The following FOXP2 variants were observed in gnomAD, a reference collection of about 807,000 sequenced individuals.
FOXP2 encodes the protein forkhead box protein P2.
Under a neutral mutation model 115.8 loss-of-function variants are expected in FOXP2, and 12 were observed. The observed-to-expected ratio is 0.10, with a 90% CI of 0.07 to 0.17. The LOEUF is 0.17. FOXP2 is among the 10% of genes least tolerant of loss of function. The pLI, the probability that FOXP2 is intolerant of heterozygous loss-of-function variation, is 1.00. For synonymous variants in FOXP2, 328 were observed against 297.7 expected (o/e 1.10, Z -1.05); for missense variants, 629 against 843.5 (o/e 0.75, Z 3.15).
chr7:114,329,553 T>A (rs780802669), intron 2 of FOXP2, among the ~76,000 whole-genome samples: 6 of 151,398 alleles, frequency 4.0e-5, no homozygotes, highest in Admixed American at 6.6e-5. Flanking sequence ...AAGGAAATTG[T>A]GTTATCTGAA....
intron 3 of FOXP2, among the ~76,000 whole-genome samples, chr7:114,557,078 A>T (rs1049800846): frequency 7.9e-5 from 12 of 152,220 alleles, no homozygotes; most frequent in African/African-American, 2.9e-4. Flanking sequence ...AGCAAGAAAG[A>T]CTTTTGCTTG....
At chr7:114,318,988 T>A (rs1003417299) in intron 2 of FOXP2, among the ~76,000 whole-genome samples, 7 of 152,128 alleles carry the variant, frequency 4.6e-5, no homozygotes, top group Non-Finnish European at 7.3e-5. Flanking sequence ...TAGAATAAAA[T>A]AGTAATTTTG....
intron 2 of FOXP2, among the ~76,000 whole-genome samples, chr7:114,502,844 G>A (rs1043974885): frequency 2.0e-5 from 3 of 152,108 alleles, no homozygotes; most frequent in Admixed American, 6.6e-5. Flanking sequence ...TCATCAGAAG[G>A]GGAAGTTTAC....
chr7:114,276,042 T>A (rs751805311), intron 1 of FOXP2, among the ~76,000 whole-genome samples: 35 of 152,190 alleles, frequency 2.3e-4, no homozygotes, highest in Non-Finnish European at 4.3e-4. Flanking sequence ...TTCCTTCAGA[T>A]CAATTAGTTT....
At chr7:114,558,132 C>A (rs952601704) in intron 3 of FOXP2, among the ~76,000 whole-genome samples, 1 of 152,030 alleles carries the variant, frequency 6.6e-6, no homozygotes, top group Non-Finnish European at 1.5e-5. Context: ...CTAGAGATTA[C>A]TAGTGTATTT....
chr7:114,498,831 G>T, intron 2 of FOXP2: 1 of 717,556 alleles, frequency 1.4e-6, no homozygotes, highest in Non-Finnish European at 2.6e-6. Flanking sequence ...ATGTTGGGTG[G>T]TTGGCTTTGT....
At position 114,457,741 on chromosome 7, in the gene FOXP2, A is replaced by G. The variant is rs1795375031; in HGVS notation, c.168+31062A>G. Among the ~76,000 whole-genome samples the G allele has an allele frequency of 2.0e-5, 3 of 152,126 alleles. No homozygotes were observed. In the South Asian group the frequency reaches 6.2e-4, roughly 32 times the overall value. ...GTGAAACCCCGTCTCTACTAAAAATACAAAAAACTAGCCAGGCGTGGTGGC... is the reference window on the plus strand; with the variant it reads ...GTGAAACCCCGTCTCTACTAAAAATGCAAAAAACTAGCCAGGCGTGGTGGC... On this transcript the variant is annotated intron_variant, in intron 2 of 16. Coordinates refer to ENST00000350908, the MANE Select transcript of FOXP2 (RefSeq NM_014491.4).
chr7:114,640,701 C>A (rs551674690), intron 6 of FOXP2, among the ~76,000 whole-genome samples: 3 of 152,134 alleles, frequency 2.0e-5, no homozygotes, highest in East Asian at 3.9e-4. Context: ...ACATCTCTTA[C>A]ATCACTATAG....
intron 2 of FOXP2, among the ~76,000 whole-genome samples, chr7:114,500,510 T>C (rs1797522370): frequency 6.6e-6 from 1 of 152,166 alleles, no homozygotes; most frequent in African/African-American, 2.4e-5. Flanking sequence ...TCTTCATTTA[T>C]ATTTTATATG....
At chr7:114,431,505 A>G (rs766221217) in intron 2 of FOXP2, among the ~76,000 whole-genome samples, 3 of 152,086 alleles carry the variant, frequency 2.0e-5, no homozygotes, top group East Asian at 1.9e-4. Flanking sequence ...CTGCAAATTA[A>G]GTGGCTGACA....
intron 3 of FOXP2, among the ~76,000 whole-genome samples, chr7:114,558,970 T>C (rs897074587): frequency 7.9e-5 from 12 of 152,250 alleles, no homozygotes; most frequent in Middle Eastern, 3.4e-3. Flanking sequence ...TATTAAATAA[T>C]TATTATATAT....
intron 1 of FOXP2, among the ~76,000 whole-genome samples, chr7:114,142,014 G>T (rs1472112318): frequency 6.6e-6 from 1 of 150,754 alleles, no homozygotes; most frequent in Admixed American, 6.7e-5. Flanking sequence ...TTTTAGAAAT[G>T]TTTTAAAGAA....
intron 1 of FOXP2, among the ~76,000 whole-genome samples, chr7:114,122,477 G>A (rs1429841510): frequency 6.8e-6 from 1 of 148,030 alleles, no homozygotes. Context: ...ATGTTGTACT[G>A]CGTAGGATAG....
At chr7:114,530,445 G>A (rs1265676126) in intron 2 of FOXP2, among the ~76,000 whole-genome samples, 5 of 151,796 alleles carry the variant, frequency 3.3e-5, no homozygotes, top group Admixed American at 2.0e-4. Context: ...AATGCAACAG[G>A]CTGATAGGTT....
chr7:114,421,611 A>C (rs1282575898), intron 1 of FOXP2, among the ~76,000 whole-genome samples: 2 of 151,818 alleles, frequency 1.3e-5, no homozygotes, highest in Non-Finnish European at 3.0e-5. Flanking sequence ...ATTTACTTAA[A>C]ATTATGTCAC....
intron 2 of FOXP2, among the ~76,000 whole-genome samples, chr7:114,376,879 T>A (rs1287619595): frequency 6.6e-6 from 1 of 151,946 alleles, no homozygotes; most frequent in Non-Finnish European, 1.5e-5. Context: ...TGAGGTGGAG[T>A]CAAATTATGA....
intron 1 of FOXP2, among the ~76,000 whole-genome samples, chr7:114,234,132 A>G (rs1186685936): frequency 6.6e-6 from 1 of 152,160 alleles, no homozygotes; most frequent in South Asian, 2.1e-4. Flanking sequence ...TATCTGTATT[A>G]TACCCTGGAA....
intron 1 of FOXP2, among the ~76,000 whole-genome samples, chr7:114,107,392 T>C (rs1172419570): frequency 6.6e-6 from 1 of 152,020 alleles, no homozygotes; most frequent in African/African-American, 2.4e-5. Flanking sequence ...TTATATATAC[T>C]ATTGACTACC....
intron 3 of FOXP2, among the ~76,000 whole-genome samples, chr7:114,586,025 G>A (rs1316299542): frequency 2.6e-5 from 4 of 152,050 alleles, no homozygotes; most frequent in Non-Finnish European, 5.9e-5. Context: ...TGTGTGTGTA[G>A]TGTGTAGACA....
Sources: allele counts gnomAD v4.1 joint callset (sites outside exome capture counted in the v4.1 genomes callset), GRCh38; gene constraint gnomAD v4.1.1; transcripts MANE v1.5; gene names NCBI Gene and HGNC (gene_info 2026-07-23, HGNC 2026-07-21).